C1orf185: variants seen among roughly 807,000 people sequenced by gnomAD.
C1orf185 encodes uncharacterized protein C1orf185.
In C1orf185, 13 loss-of-function variants were observed where a neutral mutation model predicts 16.1. The ratio of observed to expected loss-of-function variants is 0.81; its 90% CI spans 0.53 to 1.28. The LOEUF (loss-of-function observed/expected upper bound fraction) is 1.28, where lower values mean the gene tolerates loss of function less well. Ranked by LOEUF, C1orf185 falls within the 50% of genes most tolerant of loss-of-function variation. The pLI is 0.00. For synonymous variants in C1orf185, 80 were observed against 76.9 expected, an observed-to-expected ratio of 1.04 and a Z score of -0.21; for missense variants, 220 against 225.2, an observed-to-expected ratio of 0.98 and a Z score of 0.15.
At chr1:51,131,074 G>A (rs1646280010) in intron 3 of C1orf185, among the ~76,000 whole-genome samples, 1 of 152,048 alleles carries the variant, frequency 6.6e-6, no homozygotes, top group Admixed American at 6.6e-5. Context: ...GGCTAATTTT[G>A]TATTTTTAGT....
At chr1:51,127,530 C>A (rs1646250687) in intron 3 of C1orf185, among the ~76,000 whole-genome samples, 1 of 152,202 alleles carries the variant, frequency 6.6e-6, no homozygotes, top group Non-Finnish European at 1.5e-5. Flanking sequence ...AGGTGATCCA[C>A]CTGCCTTGGC....
At chr1:51,136,658 A>AAGG (rs1646327361) in intron 3 of C1orf185, among the ~76,000 whole-genome samples, 1 of 152,208 alleles carries the variant, frequency 6.6e-6, no homozygotes, top group African/African-American at 2.4e-5. Flanking sequence ...TGGGGGAAGA[A>AAGG]TTCCCTATTC....
At chr1:51,141,247 T>TG (rs1646362319) in intron 3 of C1orf185, among the ~76,000 whole-genome samples, 1 of 152,188 alleles carries the variant, frequency 6.6e-6, no homozygotes, top group African/African-American at 2.4e-5. Flanking sequence ...CCTCGTACTT[T>TG]GGGAGGCCAA....
intron 1 of C1orf185, among the ~76,000 whole-genome samples, chr1:51,103,535 C>CTTT (rs753881327): frequency 7.5e-6 from 1 of 133,558 alleles, no homozygotes; most frequent in South Asian, 2.4e-4. Flanking sequence ...GATGTCTTTC[C>CTTT]TTTTTTTTTT....
At chr1:51,146,853 A>G (rs1646404071) in intron 4 of C1orf185, among the ~76,000 whole-genome samples, 1 of 152,170 alleles carries the variant, frequency 6.6e-6, no homozygotes, top group Admixed American at 6.5e-5. Context: ...TATTATTGGT[A>G]TAAAGCCAAT....
At chr1:51,124,005 C>A (rs933214326) in intron 3 of C1orf185, among the ~76,000 whole-genome samples, 8 of 150,838 alleles carry the variant, frequency 5.3e-5, no homozygotes, top group African/African-American at 2.0e-4. Context: ...GAGCAATAAT[C>A]CTTTATCAGA....
At chr1:51,142,224 G>A (rs1297455275) in intron 3 of C1orf185, among the ~76,000 whole-genome samples, 1 of 152,058 alleles carries the variant, frequency 6.6e-6, no homozygotes, top group African/African-American at 2.4e-5. Flanking sequence ...TTTAGTACAG[G>A]ATCCAGCCTA....
chr1:51,130,972 G>T (rs924365462), intron 3 of C1orf185, among the ~76,000 whole-genome samples: 7 of 152,052 alleles, frequency 4.6e-5, no homozygotes, highest in Non-Finnish European at 1.0e-4. Context: ...GCGCTATCTT[G>T]GCTCACAGCA....
At chr1:51,108,765 G>A (rs1646091986) in intron 1 of C1orf185, among the ~76,000 whole-genome samples, 1 of 152,112 alleles carries the variant, frequency 6.6e-6, no homozygotes. Context: ...TATTAGGACT[G>A]AATAATACTC....
chr1:51,146,771 G>T (rs1229382726), intron 4 of C1orf185, among the ~76,000 whole-genome samples: 1 of 152,008 alleles, frequency 6.6e-6, no homozygotes. Context: ...GAATTATTAA[G>T]AGTATAAATA....
intron 1 of C1orf185, among the ~76,000 whole-genome samples, chr1:51,104,962 T>G (rs1409384164): frequency 6.6e-6 from 1 of 151,940 alleles, no homozygotes; most frequent in African/African-American, 2.4e-5. Flanking sequence ...CTTTTCTTTT[T>G]CTTCTCCATT....
chr1:51,137,359 C>T (rs2148028850), intron 3 of C1orf185, among the ~76,000 whole-genome samples: 1 of 151,992 alleles, frequency 6.6e-6, no homozygotes, highest in South Asian at 2.1e-4. Context: ...ATGACAAAAC[C>T]CCATCTCCAC....
At chr1:51,127,991 G>A (rs1570308746) in intron 3 of C1orf185, among the ~76,000 whole-genome samples, 1 of 150,198 alleles carries the variant, frequency 6.7e-6, no homozygotes, top group African/African-American at 2.4e-5. Flanking sequence ...GGGTTCAAGC[G>A]ATTCTCCTGC....
At chr1:51,150,353 C>T (rs1375741005), downstream of C1orf185, among the ~76,000 whole-genome samples, 1 of 151,978 alleles carries the variant, frequency 6.6e-6, no homozygotes, top group African/African-American at 2.4e-5. Flanking sequence ...CCAACACGTC[C>T]AGCTAATTTT....
At chr1:51,104,859 G>A (rs916145286) in intron 1 of C1orf185, among the ~76,000 whole-genome samples, 1 of 152,138 alleles carries the variant, frequency 6.6e-6, no homozygotes, top group African/African-American at 2.4e-5. Context: ...ACTGTAAACA[G>A]GTTATTCTCA....
At chr1:51,106,760 A>AT (rs1188472569) in intron 1 of C1orf185, among the ~76,000 whole-genome samples, 9,339 of 140,508 alleles carry the variant, frequency 0.066, 531 homozygotes, top group African/African-American at 0.15. Flanking sequence ...CAGATCTGTA[A>AT]TTTTTTTTTT....
At chr1:51,149,463 C>T (rs543280145), downstream of C1orf185, among the ~76,000 whole-genome samples, 6 of 152,278 alleles carry the variant, frequency 3.9e-5, no homozygotes, top group South Asian at 1.2e-3. Flanking sequence ...TCACCTAAAT[C>T]TAAGTAAGCT....
At chr1:51,138,258 A>T (rs1362286437) in intron 3 of C1orf185, among the ~76,000 whole-genome samples, 2 of 152,214 alleles carry the variant, frequency 1.3e-5, no homozygotes, top group African/African-American at 4.8e-5. Context: ...ATGTTTGTAC[A>T]TTACTTATTT....
chr1:51,108,830 A>G (rs1479872744), intron 1 of C1orf185, among the ~76,000 whole-genome samples: 3 of 152,204 alleles, frequency 2.0e-5, no homozygotes, highest in Non-Finnish European at 2.9e-5. Flanking sequence ...ATGGACACCT[A>G]GATTGATTCC....
Sources: allele counts gnomAD v4.1 joint callset (sites outside exome capture counted in the v4.1 genomes callset), GRCh38; gene constraint gnomAD v4.1.1; transcripts MANE v1.5; gene names NCBI Gene and HGNC (gene_info 2026-07-23, HGNC 2026-07-21).